The following AMZ1 variants were observed in gnomAD, a reference collection of about 807,000 sequenced individuals.
AMZ1 encodes archaemetzincin-1.
A neutral mutation model predicts 29.9 loss-of-function variants in AMZ1; 39 were observed. That is an observed-to-expected ratio of 1.30 (90% CI 1.01 to 1.70). The LOEUF is 1.70. Among genes scored for constraint, AMZ1 ranks in the 40% most tolerant of loss-of-function variants. The pLI, the probability that AMZ1 is intolerant of heterozygous loss-of-function variation, is 0.00. For missense variants in AMZ1, 1,041 were observed against 680.6 expected (o/e 1.53, Z -5.89); for synonymous variants, 458 against 304.0 (o/e 1.51, Z -5.27).
intron 3 of AMZ1, among the ~76,000 whole-genome samples, chr7:2,707,276 CAAA>C (rs34223369): frequency 2.8e-5 from 4 of 144,734 alleles, no homozygotes; most frequent in Non-Finnish European, 3.0e-5. Flanking sequence ...CACTCCATCT[CAAA>C]AAAAAAAAAC....
intron 3 of AMZ1, 63 bp from the exon 4 acceptor site, chr7:2,708,525 G>A (rs1788508125): frequency 2.5e-6 from 4 of 1,600,576 alleles, no homozygotes; most frequent in South Asian, 2.2e-5. Flanking sequence ...GTGCCAGCCT[G>A]AGCCTGGAAG....
chr7:2,703,412 A>C (rs1788175610), intron 3 of AMZ1, among the ~76,000 whole-genome samples: 1 of 152,128 alleles, frequency 6.6e-6, no homozygotes, highest in African/African-American at 2.4e-5. Context: ...AAGTGCTGGG[A>C]TGACAGGCGT....
chr7:2,754,031 C>T (rs1238114303), intron 4 of AMZ1, among the ~76,000 whole-genome samples: 4 of 152,224 alleles, frequency 2.6e-5, no homozygotes, highest in Admixed American at 6.5e-5. Context: ...TTAAGTTCAG[C>T]GTTACTCTCT....
At chr7:2,712,289 GC>G in intron 6 of AMZ1, 40 bp from the exon 7 acceptor site, 1 of 1,514,966 alleles carries the variant, frequency 6.6e-7, no homozygotes. Context: ...CTAGACAAGG[GC>G]TGGCACGGAG....
At chr7:2,686,726 T>G (rs1266955401), upstream of AMZ1, among the ~76,000 whole-genome samples, 2 of 151,986 alleles carry the variant, frequency 1.3e-5, no homozygotes, top group Admixed American at 6.6e-5. Flanking sequence ...CTCTCTCTTT[T>G]TTTTTTGAAA....
rs4719644 is a variant in AMZ1, at chr7:2,714,627, G to C, written c.*1749G>C. 6.6e-6 allele frequency: 1 copy of C among 152,116 alleles called. No individual in the cohort carries two copies. The highest frequency in any genetic ancestry group is 2.4e-5 in the African/African-American group (1 of 41,404). 9.4% of individuals were successfully genotyped at this position (152,116 alleles called of 1,614,324 possible). On this transcript the variant is annotated 3_prime_UTR_variant, in exon 7 of 7. Transcript: ENST00000683327. ...GCTGCAAACAACCACCCAAAACTTA[G>C]TGGCTTAAAATCACCACAGTCTAGC...
At chr7:2,733,822 C>T (rs1469228092) in intron 4 of AMZ1, among the ~76,000 whole-genome samples, 1 of 152,212 alleles carries the variant, frequency 6.6e-6, no homozygotes, top group East Asian at 1.9e-4. Flanking sequence ...AAGGCTGGCC[C>T]ACTCCTGGCC....
At chr7:2,725,327 G>A (rs1283763933) in intron 4 of AMZ1, among the ~76,000 whole-genome samples, 2 of 152,222 alleles carry the variant, frequency 1.3e-5, no homozygotes, top group South Asian at 2.1e-4. Context: ...CTGGGCCCGC[G>A]GCACCAGACG....
intron 4 of AMZ1, among the ~76,000 whole-genome samples, chr7:2,734,269 G>A (rs915116740): frequency 3.3e-5 from 5 of 152,318 alleles, no homozygotes; most frequent in East Asian, 1.9e-4. Context: ...AGAGCAGCCC[G>A]CATATGAACA....
Position 2,712,397 on chromosome 7 carries a change from TGTGGGAG to T in AMZ1, c.1018_1024del (p.Trp340ThrfsTer44). ...AGCCAGGAGGCGGGGGAGCCGTCAG[TGTGGGAG>T]GACACCCCGCCTGCCAGCGCCGACT... On this transcript the variant is annotated frameshift_variant, in exon 7 of 7. Transcript: ENST00000683327. LOFTEE classifies it low-confidence loss of function (END_TRUNC). 6.2e-7 allele frequency: 1 copy of T among 1,611,096 alleles called. No homozygotes were observed. Among genetic ancestry groups the T allele is most frequent in the Non-Finnish European group, 8.5e-7 (1 of 1,179,248 alleles).
At chr7:2,736,443 C>T (rs1183729294) in intron 4 of AMZ1, among the ~76,000 whole-genome samples, 1 of 152,222 alleles carries the variant, frequency 6.6e-6, no homozygotes, top group East Asian at 1.9e-4. Context: ...AGGGGCCTGT[C>T]CCCTGCCTCA....
At chr7:2,712,235 G>C (rs76002928) in intron 6 of AMZ1, 95 bp from the exon 7 acceptor site, 4 of 1,341,898 alleles carry the variant, frequency 3.0e-6, no homozygotes, top group South Asian at 1.6e-5. Context: ...AACTGAGGAC[G>C]GTGGGGTCCC....
chr7:2,697,735 T>G lies in AMZ1; in HGVS notation c.-218-2499T>G, dbSNP rs577602949. 1.1e-3 allele frequency among the ~76,000 whole-genome samples: 163 copies of G among 152,294 alleles called. 1 individual carries two copies. The highest frequency in any genetic ancestry group is 3.7e-3 in the African/African-American group (154 of 41,566). The stretch of plus-strand genomic sequence containing the variant: ...CCACCACACTCAGCCAAAAACAGCA[T>G]TTTTGTAGAATGTTTAAGAATTTGG... On this transcript the variant is annotated intron_variant, in intron 1 of 6. Transcript: ENST00000683327.
Position 2,708,622 on chromosome 7 carries a change from A to G in AMZ1, c.507A>G (p.Pro169=), listed in dbSNP as rs1583172032. The change falls in exon 4 of 7, where the codon CCA becomes CCG. Residue 169 remains proline, a synonymous_variant. Coordinates refer to ENST00000683327, the MANE Select transcript of AMZ1 (RefSeq NM_001384743.1). ...GILSFLKNNK[P]GDALCVLGLT... The stretch of plus-strand genomic sequence containing the variant: ...TGTCCTTCTTGAAGAACAACAAGCC[A>G]GGGGACGCGCTGTGTGTGCTGGGCC... The G allele has an allele frequency of 2.5e-6, 4 of 1,613,058 alleles. No homozygotes were observed. The highest frequency in any genetic ancestry group is 1.3e-5 in the African/African-American group (1 of 75,018).
At chr7:2,761,731 G>C (rs994320977), upstream of AMZ1, among the ~76,000 whole-genome samples, 5 of 152,118 alleles carry the variant, frequency 3.3e-5, no homozygotes, top group African/African-American at 1.2e-4. Flanking sequence ...ACAATGAAGA[G>C]TTGACAAGAT....
chr7:2,696,144 C>T (rs116260410), intron 1 of AMZ1, among the ~76,000 whole-genome samples: 2,007 of 152,114 alleles, frequency 0.013, 52 homozygotes, highest in African/African-American at 0.043. Context: ...TTAGATTTAA[C>T]CCTACTCCAC....
intron 1 of AMZ1, among the ~76,000 whole-genome samples, chr7:2,697,356 C>G (rs997688735): frequency 2.0e-5 from 3 of 152,090 alleles, no homozygotes; most frequent in African/African-American, 7.2e-5. Context: ...CTCGGCCTCC[C>G]AAAGTGCTGG....
chr7:2,738,085 T>G (rs1790298683), intron 4 of AMZ1, among the ~76,000 whole-genome samples: 1 of 152,136 alleles, frequency 6.6e-6, no homozygotes, highest in African/African-American at 2.4e-5. Flanking sequence ...AGTTTTAATT[T>G]GGGTACCTAT....
Position 2,714,402 on chromosome 7 carries a change from TGACTTCA to T in AMZ1, c.*1527_*1533del, listed in dbSNP as rs1464076862. ...TCCCGGTCCTGGTCCCACTCCGTGT[TGACTTCA>T]GAGAAGCAAAGATGCAGCTCAGAAG... On this transcript the variant is annotated 3_prime_UTR_variant, in exon 7 of 7. Transcript: ENST00000683327. The T allele has an allele frequency of 6.6e-6, 1 of 152,362 alleles. No individual in the cohort carries two copies. The highest frequency in any genetic ancestry group is 2.4e-5 in the African/African-American group (1 of 41,440). The allele number at this position is 152,362 out of a possible 1,614,324, so 9.4% of individuals were successfully genotyped here.
Sources: gnomAD v4.1 joint callset for allele counts (sites outside exome capture counted in the v4.1 genomes callset) on GRCh38, gnomAD v4.1.1 for gene constraint, MANE v1.5 for transcripts, NCBI Gene and HGNC (gene_info 2026-07-23, HGNC 2026-07-21) for gene names.